Variants in PIGN observed in about 807,000 individuals in gnomAD.
PIGN encodes GPI ethanolamine phosphate transferase 1.
PIGN carries 117 observed loss-of-function variants against 125.4 expected under a neutral mutation model. That is an observed-to-expected ratio of 0.93 (90% CI 0.80 to 1.09). PIGN has a LOEUF of 1.09. PIGN is among the 50% of genes least tolerant of loss of function. PIGN has a pLI of 0.00. For synonymous variants in PIGN, 392 were observed against 377.8 expected, an observed-to-expected ratio of 1.04 and a Z score of -0.44; for missense variants, 1,075 against 1,094.9, an observed-to-expected ratio of 0.98 and a Z score of 0.26.
intron 23 of PIGN, among the ~76,000 whole-genome samples, chr18:62,034,526 G>A (rs2030232837): frequency 6.6e-6 from 1 of 152,204 alleles, no homozygotes; most frequent in African/African-American, 2.4e-5. Context: ...CAAAACCACA[G>A]GGGTGGAGCT....
At chr18:62,119,173 G>C (rs771996108) in intron 14 of PIGN, among the ~76,000 whole-genome samples, 12 of 152,122 alleles carry the variant, frequency 7.9e-5, no homozygotes, top group African/African-American at 1.9e-4. Flanking sequence ...GGCCATCAGA[G>C]GACAAGGCAA....
intron 23 of PIGN, among the ~76,000 whole-genome samples, chr18:62,023,126 A>G (rs560452888): frequency 2.0e-4 from 30 of 152,242 alleles, no homozygotes; most frequent in African/African-American, 7.0e-4. Context: ...ACGGATATGA[A>G]GGATTGAGTG....
At chr18:62,021,481 C>A (rs571883394) in intron 23 of PIGN, among the ~76,000 whole-genome samples, 21 of 152,334 alleles carry the variant, frequency 1.4e-4, no homozygotes, top group African/African-American at 5.1e-4. Flanking sequence ...TTTCTCTGAG[C>A]TGCAGTCCCA....
rs75279402 is a variant in PIGN at position 62,131,951 on chromosome 18, T to C, written c.1172+6292A>G. 3.5e-3 allele frequency among the ~76,000 whole-genome samples: 540 copies of C among 152,162 alleles called. 3 individuals are homozygous for C. The highest frequency in any genetic ancestry group is 0.012 in the African/African-American group (514 of 41,464). ...TACTATGAATTTTCAGATGCCAATG[T>C]CCTAGATGAATTTTCTCAAGTTAAG... is the stretch of plus-strand genomic sequence containing the variant. On this transcript the variant is annotated intron_variant, in intron 14 of 30. Coordinates refer to ENST00000640252, the MANE Select transcript of PIGN (RefSeq NM_176787.5).
At chr18:62,114,720 A>G (rs2086641419) in intron 14 of PIGN, 81 bp from the exon 15 acceptor site, 1 of 627,884 alleles carries the variant, frequency 1.6e-6, no homozygotes, top group African/African-American at 1.9e-5. Context: ...ATTAAAAAAC[A>G]AAGATAGTGA....
At chr18:62,072,757 C>T (rs1415406638) in intron 29 of PIGN, 32 bp from the exon 30 acceptor site, 2 of 1,479,956 alleles carry the variant, frequency 1.4e-6, no homozygotes, top group Non-Finnish European at 1.8e-6. Flanking sequence ...TAATGAAAAA[C>T]AAAGCTATTT....
chr18:62,061,909 G>A (rs986391805), intron 30 of PIGN, among the ~76,000 whole-genome samples: 3 of 152,052 alleles, frequency 2.0e-5, no homozygotes, highest in African/African-American at 2.4e-5. Context: ...GAATCTTGAC[G>A]TACATTTCCC....
chr18:62,125,036 TATAA>T (rs923098972), intron 14 of PIGN, among the ~76,000 whole-genome samples: 229 of 146,148 alleles, frequency 1.6e-3, no homozygotes, highest in African/African-American at 5.0e-3. Context: ...TCCCTTTATA[TATAA>T]ATATACAATT....
rs562600311 is a variant in PIGN, at chr18:62,125,477, A to G, written c.1173-10838T>C. On this transcript the variant is annotated intron_variant, in intron 14 of 30. Transcript: ENST00000640252. The stretch of plus-strand genomic sequence containing the variant: ...GCTTTCCATTTTTTTGATTATAAGC[A>G]ATCCTAGGATGAATACCTTGGGGCA... Among the ~76,000 whole-genome samples the G allele has an allele frequency of 2.6e-5, 4 of 152,150 alleles. No individual in the cohort carries two copies. In the South Asian group the frequency reaches 8.3e-4, roughly 32 times the overall value.
At chr18:62,067,711 T>TA (rs1327927380) in intron 30 of PIGN, among the ~76,000 whole-genome samples, 4 of 152,250 alleles carry the variant, frequency 2.6e-5, no homozygotes, top group Non-Finnish European at 5.9e-5. Flanking sequence ...ACAATTTGTT[T>TA]ACCCATTCAT....
intron 30 of PIGN, among the ~76,000 whole-genome samples, chr18:62,061,762 A>G (rs1243475072): frequency 6.6e-6 from 1 of 152,214 alleles, no homozygotes. Context: ...GAAACACCAC[A>G]GCTTTTCAAA....
chr18:62,099,021 A>G (rs1414467097), intron 22 of PIGN, among the ~76,000 whole-genome samples: 2 of 151,784 alleles, frequency 1.3e-5, no homozygotes, highest in Non-Finnish European at 2.9e-5. Context: ...CAGAATCTTC[A>G]ATTTGTTGTA....
intron 1 of PIGN, among the ~76,000 whole-genome samples, chr18:62,177,000 T>G (rs2037548308): frequency 6.6e-6 from 1 of 152,046 alleles, no homozygotes; most frequent in Admixed American, 6.6e-5. Context: ...GAATCTATAC[T>G]CAAAAGATAC....
chr18:62,180,035 G>T lies in PIGN; in HGVS notation c.-236+6809C>A, dbSNP rs570799757. Among the ~76,000 whole-genome samples, 9 of 152,264 alleles carry T rather than the reference G, an allele frequency of 5.9e-5. No homozygotes were observed. In the South Asian group the frequency reaches 1.9e-3, roughly 32 times the overall value. Reference sequence around the variant, plus strand: ...GATCAACATCACTCGCAGTTGTCATGATTACAAATAATATGGCAATTAAGC... The same window carrying T: ...GATCAACATCACTCGCAGTTGTCATTATTACAAATAATATGGCAATTAAGC... On this transcript the variant is annotated intron_variant, in intron 1 of 30. Coordinates refer to ENST00000640252, the MANE Select transcript of PIGN (RefSeq NM_176787.5).
At chr18:62,146,496 G>C (rs2036332887) in intron 9 of PIGN, among the ~76,000 whole-genome samples, 1 of 152,128 alleles carries the variant, frequency 6.6e-6, no homozygotes, top group Non-Finnish European at 1.5e-5. Flanking sequence ...TTTATAAAGT[G>C]GAACTCAAAT....
chr18:62,098,709 T>A (rs918353107), intron 22 of PIGN, among the ~76,000 whole-genome samples: 5 of 152,164 alleles, frequency 3.3e-5, no homozygotes, highest in African/African-American at 9.6e-5. Context: ...GACTTACCTA[T>A]GAGTTAACAA....
chr18:62,138,183 A>C lies in PIGN; in HGVS notation c.1172+60T>G. ...AACTAATCCTATCACTCAGTGAAAAATTGCAAACTCAGTGGAAAATTCTTT... is the reference window on the plus strand; with the variant it reads ...AACTAATCCTATCACTCAGTGAAAACTTGCAAACTCAGTGGAAAATTCTTT... On this transcript the variant is annotated intron_variant, in intron 14 of 30. Coordinates refer to ENST00000640252, the MANE Select transcript of PIGN (RefSeq NM_176787.5). 2.6e-6 allele frequency: 4 copies of C among 1,535,508 alleles called. No homozygotes were observed. In the South Asian group the frequency reaches 5.0e-5, roughly 19 times the overall value.
chr18:62,142,600 A>C (rs1568223305), intron 11 of PIGN, among the ~76,000 whole-genome samples: 1 of 152,132 alleles, frequency 6.6e-6, no homozygotes, highest in Non-Finnish European at 1.5e-5. Context: ...GAGACCCTAG[A>C]CCTTGGTTTG....
At chr18:62,084,392 T>C (rs2033589852) in intron 27 of PIGN, 139 bp downstream of exon 27, 3 of 573,572 alleles carry the variant, frequency 5.2e-6, no homozygotes, top group Non-Finnish European at 6.3e-6. Flanking sequence ...GAGTAAGGGA[T>C]AGAGGGTCTC....
Sources: allele counts gnomAD v4.1 joint callset (sites outside exome capture counted in the v4.1 genomes callset), GRCh38; gene constraint gnomAD v4.1.1; transcripts MANE v1.5; gene names NCBI Gene and HGNC (gene_info 2026-07-23, HGNC 2026-07-21).